TBC1D17: variants seen among roughly 807,000 people sequenced by gnomAD.
TBC1D17 encodes TBC1 domain family, member 17.
Under a neutral mutation model 78.8 loss-of-function variants are expected in TBC1D17, and 69 were observed. The observed-to-expected ratio is 0.88, with a 90% CI of 0.72 to 1.07. The LOEUF (loss-of-function observed/expected upper bound fraction) is 1.07, where lower values mean the gene tolerates loss of function less well. TBC1D17 is among the 50% of genes least tolerant of loss of function. TBC1D17 has a pLI of 0.00. For missense variants in TBC1D17, 957 were observed against 861.0 expected, an observed-to-expected ratio of 1.11 and a Z score of -1.39; for synonymous variants, 456 against 358.3, an observed-to-expected ratio of 1.27 and a Z score of -3.08.
chr19:49,886,446 C>T (rs905826625), intron 13 of TBC1D17: 1 of 152,132 alleles, frequency 6.6e-6, no homozygotes, highest in African/African-American at 2.4e-5. Flanking sequence ...AAAGCATCAC[C>T]TCCTAGGGCA....
At chr19:49,888,020 C>T (rs913697883) in intron 15 of TBC1D17, 186 bp downstream of exon 15, 8 of 972,544 alleles carry the variant, frequency 8.2e-6, no homozygotes, top group South Asian at 4.9e-5. Context: ...CAGCAAGGTC[C>T]TCCGGGCAGG....
chr19:49,884,159 C>T (rs1042868250), intron 10 of TBC1D17, 94 bp from the exon 11 acceptor site: 10 of 1,156,366 alleles, frequency 8.6e-6, no homozygotes, highest in Non-Finnish European at 1.3e-5. Flanking sequence ...TGGGGGCTGC[C>T]AGCAGGAGGA....
intron 3 of TBC1D17, 110 bp from the exon 4 acceptor site, chr19:49,880,169 C>T: frequency 7.0e-7 from 1 of 1,422,154 alleles, no homozygotes; most frequent in Non-Finnish European, 9.6e-7. Context: ...GCTGTACCTT[C>T]TTTGTGCCTC....
intron 9 of TBC1D17, 124 bp from the exon 10 acceptor site, chr19:49,883,527 G>A: frequency 4.1e-6 from 3 of 723,466 alleles, no homozygotes; most frequent in Non-Finnish European, 7.3e-6. Context: ...GAGGTGACCT[G>A]CTTGGGTCTG....
At chr19:49,887,176 A>C in intron 13 of TBC1D17, 1 of 411,396 alleles carries the variant, frequency 2.4e-6, no homozygotes, top group Non-Finnish European at 4.6e-6. Flanking sequence ...TAGGAGTGTC[A>C]GTTCCCTTAG....
intron 4 of TBC1D17, 110 bp from the exon 5 acceptor site, chr19:49,881,158 T>G: frequency 6.7e-6 from 6 of 899,424 alleles, no homozygotes; most frequent in Non-Finnish European, 8.3e-6. Context: ...GGGTGGCTTG[T>G]GGCGGGGCCC....
At chr19:49,888,009 C>T in intron 15 of TBC1D17, 175 bp downstream of exon 15, 1 of 929,046 alleles carries the variant, frequency 1.1e-6, no homozygotes, top group South Asian at 1.7e-5. Context: ...ATGCCTGCTC[C>T]CAGCAAGGTC....
At chr19:49,883,978 G>A (rs1164380729) in intron 10 of TBC1D17, among the ~76,000 whole-genome samples, 1 of 152,190 alleles carries the variant, frequency 6.6e-6, no homozygotes, top group Non-Finnish European at 1.5e-5. Flanking sequence ...TCTCAGTTCT[G>A]TCAATGCCTG....
rs2075027088 is a variant in TBC1D17, at chr19:49,882,797, G to A, written c.832G>A (p.Gly278Ser). The change falls in exon 8 of 17, where the codon GGC (glycine) becomes AGC (serine). Residue 278 changes from glycine (G) to serine (S), a missense_variant. Transcript: ENST00000221543. ...GGGGCCTCGGCCAACCGTGGAGCGG[G>A]GCCCTCCAGTTACAGAGGAGGAGTG... ...ELGPRPTVER[G>S]PPVTEEEWAR... 1.2e-6 allele frequency: 2 copies of A among 1,603,688 alleles called. No individual in the cohort carries two copies. Among genetic ancestry groups the A allele is most frequent in the South Asian group, 1.1e-5 (1 of 90,496 alleles).
intron 13 of TBC1D17, 96 bp downstream of exon 13, chr19:49,884,854 C>A: frequency 9.3e-7 from 1 of 1,078,268 alleles, no homozygotes. Context: ...ACATTGGGTC[C>A]TGATCCAAAC....
intron 5 of TBC1D17, among the ~76,000 whole-genome samples, chr19:49,881,705 C>T (rs952432226): frequency 2.0e-5 from 3 of 152,234 alleles, no homozygotes; most frequent in African/African-American, 7.2e-5. Context: ...TCGTTATTCT[C>T]TGGGGCCCCA....
intron 13 of TBC1D17, chr19:49,885,283 T>A (rs1178965246): frequency 6.3e-6 from 1 of 159,062 alleles, no homozygotes; most frequent in Non-Finnish European, 1.4e-5. Context: ...CTGTCTCTAC[T>A]AAAAATACAA....
At chr19:49,878,605 G>A (rs1424554472) in intron 3 of TBC1D17, 33 bp downstream of exon 3, 12 of 1,604,552 alleles carry the variant, frequency 7.5e-6, no homozygotes, top group African/African-American at 1.3e-5. Context: ...TTCTCCACTC[G>A]CTTTTTTTCT....
chr19:49,882,652 G>T lies in TBC1D17; in HGVS notation c.799-112G>T. 7.7e-6 allele frequency: 11 copies of T among 1,428,442 alleles called. No individual in the cohort carries two copies. In the South Asian group the frequency reaches 1.5e-4, roughly 20 times the overall value. The allele number at this position is 1,428,442 out of a possible 1,614,324, so 88.5% of individuals were successfully genotyped here. A position where few individuals can be genotyped will look rare whatever the true frequency, so the allele number is the denominator to read the frequency against. On this transcript the variant is annotated intron_variant, in intron 7 of 16. Transcript: ENST00000221543. The stretch of plus-strand genomic sequence containing the variant: ...CCGGAAGAGGCTGCTGCCTGCCCCT[G>T]AATGTTAGTCATCCGTCAAGCTAAT...
In TBC1D17 at chr19:49,883,053, C is replaced by G. The variant is rs148925843; in HGVS notation, c.1008C>G (p.His336Gln). ...GCTGGGAAGGCACAGCTGAGGAGCACAAGGCCCACATACGCAAGAAAACGT... is the reference window on the plus strand; with the variant it reads ...GCTGGGAAGGCACAGCTGAGGAGCAGAAGGCCCACATACGCAAGAAAACGT... ...YLSWEGTAEEHKAHIRKKTDE... is the reference protein window; with the variant it reads ...YLSWEGTAEEQKAHIRKKTDE... The change falls in exon 9 of 17, where the codon CAC (histidine) becomes CAG (glutamine). Residue 336 changes from histidine to glutamine, a missense_variant. Coordinates refer to ENST00000221543, the MANE Select transcript of TBC1D17 (RefSeq NM_024682.3). 7.4e-5 allele frequency: 119 copies of G among 1,610,222 alleles called. No individual in the cohort carries two copies. Among genetic ancestry groups the G allele is most frequent in the Non-Finnish European group, 9.7e-5 (114 of 1,178,446 alleles).
In TBC1D17 at chr19:49,888,475, C is replaced by G; in HGVS notation, c.1798C>G (p.Pro600Ala). 1 of 1,593,202 alleles carries G rather than the reference C, an allele frequency of 6.3e-7. No individual in the cohort carries two copies. The highest frequency in any genetic ancestry group is 8.5e-7 in the Non-Finnish European group (1 of 1,174,640). Residue 600 changes from proline (P) to alanine (A), a missense_variant, in exon 17 of 17, where the codon CCC becomes GCC. Coordinates refer to ENST00000221543, the MANE Select transcript of TBC1D17 (RefSeq NM_024682.3). ...EILGLAPPAE[P>A]HSPSPTASPL... Reference sequence around the variant, plus strand: ...CCTGGGGCTGGCCCCGCCCGCAGAGCCCCACAGCCCCTCGCCCACCGCCTC... The same window carrying G: ...CCTGGGGCTGGCCCCGCCCGCAGAGGCCCACAGCCCCTCGCCCACCGCCTC...
chr19:49,883,647 T>C lies in TBC1D17; in HGVS notation c.1032-4T>C. On this transcript the variant is annotated splice_region_variant and splice_polypyrimidine_tract_variant and intron_variant, in intron 9 of 16. Transcript: ENST00000221543. ...CTCACATCTTGTTTCCCTCTGTCACTCAGGGATGAGTATTTCCGCATGAAG... is the reference window on the plus strand; with the variant it reads ...CTCACATCTTGTTTCCCTCTGTCACCCAGGGATGAGTATTTCCGCATGAAG... 1 of 1,613,550 alleles carries C rather than the reference T, an allele frequency of 6.2e-7. No individual in the cohort carries two copies. The highest frequency in any genetic ancestry group is 8.5e-7 in the Non-Finnish European group (1 of 1,179,662).
At position 49,887,534 on chromosome 19, in the gene TBC1D17, G is replaced by C. The variant is rs767025576; in HGVS notation, c.1503G>C (p.Lys501Asn). 1 of 1,614,176 alleles carries C rather than the reference G, an allele frequency of 6.2e-7. No homozygotes were observed. The highest frequency in any genetic ancestry group is 1.1e-5 in the South Asian group (1 of 91,076). Residue 501 changes from lysine to asparagine, a missense_variant, in exon 14 of 17, where the codon AAG becomes AAC. By Grantham distance (94) the Lys-to-Asn change is moderately conservative (BLOSUM62 0). Coordinates refer to ENST00000221543, the MANE Select transcript of TBC1D17 (RefSeq NM_024682.3). ...TCCGGTGGCTGCTCATCTGGTTCAA[G>C]AGGGAATTCCCCTTCCCGGATGTCC... ...FCFRWLLIWF[K>N]REFPFPDVLR...
chr19:49,887,248 C>T, intron 13 of TBC1D17: 2 of 543,206 alleles, frequency 3.7e-6, no homozygotes, highest in Non-Finnish European at 6.7e-6. Flanking sequence ...TGCCTCCCTT[C>T]CATGTCCATG....
Sources: gnomAD v4.1 joint callset for allele counts (sites outside exome capture counted in the v4.1 genomes callset) on GRCh38, gnomAD v4.1.1 for gene constraint, MANE v1.5 for transcripts, NCBI Gene and HGNC (gene_info 2026-07-23, HGNC 2026-07-21) for gene names.